Variants in PLB1 observed in about 807,000 individuals in gnomAD.
PLB1 encodes the protein phospholipase B1, membrane-associated.
Under a neutral mutation model 227.4 loss-of-function variants are expected in PLB1, and 242 were observed. The ratio of observed to expected loss-of-function variants is 1.06; its 90% CI spans 0.96 to 1.18. PLB1 has a LOEUF of 1.18. PLB1 is among the 50% of genes most tolerant of loss of function. The probability of loss-of-function intolerance (pLI) is 0.00; values close to 1 mark genes in which losing one functional copy is unlikely to be tolerated. For missense variants in PLB1, 1,858 were observed against 1,816.3 expected, an observed-to-expected ratio of 1.02 and a Z score of -0.42; for synonymous variants, 757 against 682.2, an observed-to-expected ratio of 1.11 and a Z score of -1.71.
intron 1 of PLB1, among the ~76,000 whole-genome samples, chr2:28,500,992 A>C (rs1472251656): frequency 1.3e-5 from 2 of 152,176 alleles, no homozygotes; most frequent in East Asian, 3.8e-4. Context: ...CTGTTTCTTC[A>C]AGGCTTCCAT....
chr2:28,623,046 G>T (rs1006484770), intron 49 of PLB1, among the ~76,000 whole-genome samples: 1 of 151,956 alleles, frequency 6.6e-6, no homozygotes, highest in Non-Finnish European at 1.5e-5. Flanking sequence ...GCAGTGCTTC[G>T]CATGGAGTAC....
intron 9 of PLB1, among the ~76,000 whole-genome samples, chr2:28,535,555 T>C (rs1415909891): frequency 6.6e-6 from 1 of 152,228 alleles, no homozygotes; most frequent in African/African-American, 2.4e-5. Context: ...TTTGAGAAGT[T>C]CTTACGTGGC....
chr2:28,567,358 C>A (rs917034948), intron 20 of PLB1, among the ~76,000 whole-genome samples: 7 of 152,016 alleles, frequency 4.6e-5, no homozygotes, highest in Non-Finnish European at 8.8e-5. Context: ...CTGCTATTGC[C>A]GCAGGAGGAG....
chr2:28,534,931 T>C (rs961192257), intron 9 of PLB1, among the ~76,000 whole-genome samples: 1 of 152,190 alleles, frequency 6.6e-6, no homozygotes, highest in African/African-American at 2.4e-5. Flanking sequence ...TACCAGTCTT[T>C]AGGTGCGCAC....
chr2:28,501,421 A>T (rs1471909673), intron 1 of PLB1, among the ~76,000 whole-genome samples: 2 of 151,788 alleles, frequency 1.3e-5, no homozygotes, highest in African/African-American at 2.4e-5. Flanking sequence ...AATCACTTGA[A>T]TTTTTTTTTG....
intron 4 of PLB1, among the ~76,000 whole-genome samples, chr2:28,522,662 G>A (rs567733171): frequency 2.0e-5 from 3 of 152,238 alleles, no homozygotes; most frequent in South Asian, 4.1e-4. Context: ...GTCTCATCTC[G>A]GAAAGAGCTC....
intron 56 of PLB1, among the ~76,000 whole-genome samples, chr2:28,637,624 T>G (rs1220035554): frequency 1.3e-5 from 2 of 152,216 alleles, no homozygotes; most frequent in Non-Finnish European, 1.5e-5. Flanking sequence ...CTGGTTCACC[T>G]GATTAACCTC....
chr2:28,631,018 A>G (rs1010486527), intron 54 of PLB1, among the ~76,000 whole-genome samples: 11 of 151,796 alleles, frequency 7.2e-5, no homozygotes, highest in South Asian at 2.1e-4. Context: ...GCCCGACACA[A>G]TGGCTCACGT....
chr2:28,602,450 T>A (rs1459660727), intron 38 of PLB1, among the ~76,000 whole-genome samples: 3 of 152,224 alleles, frequency 2.0e-5, no homozygotes, highest in African/African-American at 7.2e-5. Flanking sequence ...CTGTGGGGGT[T>A]GAGTCTGCGT....
intron 23 of PLB1, 49 bp downstream of exon 23, chr2:28,579,756 T>C (rs1679607668): frequency 1.3e-6 from 2 of 1,495,424 alleles, no homozygotes; most frequent in Non-Finnish European, 1.9e-6. Context: ...AGAAGGATTT[T>C]CACAGCCCGG....
At chr2:28,592,627 C>G in intron 31 of PLB1, 34 bp from the exon 32 acceptor site, 1 of 1,608,006 alleles carries the variant, frequency 6.2e-7, no homozygotes, top group Non-Finnish European at 8.5e-7. Flanking sequence ...GGCTTCCCTC[C>G]TGCAGCCCTA....
chr2:28,587,733 A>C (rs1296820870), intron 26 of PLB1, among the ~76,000 whole-genome samples: 1 of 152,190 alleles, frequency 6.6e-6, no homozygotes, highest in African/African-American at 2.4e-5. Flanking sequence ...ATGTTTTGCC[A>C]TCCCTGACAC....
intron 54 of PLB1, 23 bp from the exon 55 acceptor site, chr2:28,632,013 G>A: frequency 1.3e-6 from 2 of 1,596,984 alleles, no homozygotes; most frequent in Non-Finnish European, 1.7e-6. Flanking sequence ...GGAGGGTTGA[G>A]CAGCTTCTCT....
intron 34 of PLB1, 85 bp downstream of exon 34, chr2:28,598,133 A>G: frequency 8.7e-7 from 1 of 1,153,848 alleles, no homozygotes; most frequent in Non-Finnish European, 1.3e-6. Flanking sequence ...CCAGGTAAGC[A>G]GCAAATGACA....
chr2:28,515,462 G>GC, intron 1 of PLB1, among the ~76,000 whole-genome samples: 1 of 152,262 alleles, frequency 6.6e-6, no homozygotes. Context: ...GGCCCTTTCT[G>GC]CCCAGAAAGC....
intron 31 of PLB1, among the ~76,000 whole-genome samples, chr2:28,592,389 C>T (rs1682112642): frequency 6.7e-6 from 1 of 150,218 alleles, no homozygotes. Flanking sequence ...TCTTCCTTCC[C>T]TCCATCTCTC....
intron 19 of PLB1, 132 bp from the exon 20 acceptor site, chr2:28,566,664 T>C: frequency 1.1e-6 from 1 of 946,752 alleles, no homozygotes; most frequent in Non-Finnish European, 1.7e-6. Context: ...TCTACTGAAG[T>C]GATGGGGAAA....
chr2:28,536,611 A>G (rs147302332), intron 9 of PLB1, among the ~76,000 whole-genome samples: 1 of 152,298 alleles, frequency 6.6e-6, no homozygotes, highest in East Asian at 1.9e-4. Flanking sequence ...AGAAAGAGTT[A>G]AGTTGGGTCT....
At chr2:28,537,307 G>C (rs1671817838) in intron 9 of PLB1, among the ~76,000 whole-genome samples, 1 of 152,202 alleles carries the variant, frequency 6.6e-6, no homozygotes, top group African/African-American at 2.4e-5. Context: ...TCCTGTCTGA[G>C]CCAAGTTGCC....
Sources: allele counts gnomAD v4.1 joint callset (sites outside exome capture counted in the v4.1 genomes callset), GRCh38; gene constraint gnomAD v4.1.1; transcripts MANE v1.5; gene names NCBI Gene and HGNC (gene_info 2026-07-23, HGNC 2026-07-21).